Variants in GPRC6A observed in about 807,000 individuals in gnomAD.
The protein encoded by GPRC6A is G protein-coupled receptor class C group 6 member A.
In GPRC6A, 54 loss-of-function variants were observed where a neutral mutation model predicts 47.0. The observed-to-expected ratio is 1.15, with a 90% CI of 0.92 to 1.44. GPRC6A has a LOEUF of 1.44. Ranked by LOEUF, GPRC6A falls within the 40% of genes most tolerant of loss-of-function variation. The probability of loss-of-function intolerance (pLI) is 0.00; values close to 1 mark genes in which losing one functional copy is unlikely to be tolerated. For missense variants in GPRC6A, 1,112 were observed against 1,105.5 expected (o/e 1.01, Z -0.08); for synonymous variants, 347 against 377.1 (o/e 0.92, Z 0.93).
In GPRC6A at chr6:116,812,871, C is replaced by A. The variant is rs576679660; in HGVS notation, c.195-3254G>T. ...TGTTTAGAAAACCCCATCATCTCAGCCAAAAATCTCCTTAAGCTGATAAGC... is the reference window on the plus strand; with the variant it reads ...TGTTTAGAAAACCCCATCATCTCAGACAAAAATCTCCTTAAGCTGATAAGC... On this transcript the variant is annotated intron_variant, in intron 1 of 5. Coordinates refer to ENST00000310357, the MANE Select transcript of GPRC6A (RefSeq NM_148963.4). Among the ~76,000 whole-genome samples the A allele has an allele frequency of 3.9e-5, 6 of 152,242 alleles. No individual in the cohort carries two copies. The East Asian group carries it at 7.7e-4, about 20-fold the overall frequency.
intron 5 of GPRC6A, 78 bp from the exon 6 acceptor site, chr6:116,793,328 GTCT>G (rs1772380378): frequency 3.0e-6 from 3 of 1,006,600 alleles, no homozygotes; most frequent in African/African-American, 1.6e-5. Context: ...AATGAGATTC[GTCT>G]TCTTTAATAG....
intron 4 of GPRC6A, among the ~76,000 whole-genome samples, chr6:116,798,820 T>C (rs993579304): frequency 5.3e-5 from 8 of 151,100 alleles, no homozygotes; most frequent in African/African-American, 2.0e-4. Context: ...GAGGCGGAAG[T>C]TGCAGTGAGC....
intron 3 of GPRC6A, among the ~76,000 whole-genome samples, chr6:116,802,391 C>A (rs1405260967): frequency 6.6e-6 from 1 of 152,098 alleles, no homozygotes; most frequent in East Asian, 1.9e-4. Flanking sequence ...TCAATTGACA[C>A]TACAAAATTT....
At position 116,795,821 on chromosome 6, in the gene GPRC6A, T is replaced by C. The variant is rs781131082; in HGVS notation, c.1563A>G (p.Lys521=). The change falls in exon 5 of 6, where the codon AAA becomes AAG. Residue 521 remains lysine, a synonymous_variant. Coordinates refer to ENST00000310357, the MANE Select transcript of GPRC6A (RefSeq NM_148963.4). The part of the protein sequence containing the change: ...EFRNLKQIQS[K]CSKECSPGQM... ...GCCCAGGACTGCATTCCTTGGAGCATTTAGATTGAATTTGCTATATTAAAA... is the reference window on the plus strand; with the variant it reads ...GCCCAGGACTGCATTCCTTGGAGCACTTAGATTGAATTTGCTATATTAAAA... The C allele has an allele frequency of 6.9e-6, 11 of 1,599,950 alleles. No homozygotes were observed. Among genetic ancestry groups the C allele is most frequent in the East Asian group, 2.2e-5 (1 of 44,694 alleles).
At chr6:116,810,379 T>C (rs940125363) in intron 1 of GPRC6A, among the ~76,000 whole-genome samples, 5 of 152,112 alleles carry the variant, frequency 3.3e-5, no homozygotes, top group Non-Finnish European at 7.4e-5. Context: ...TATTACTATT[T>C]GTCATTGTGA....
At chr6:116,819,442 G>C (rs1773373777) in intron 1 of GPRC6A, among the ~76,000 whole-genome samples, 1 of 151,482 alleles carries the variant, frequency 6.6e-6, no homozygotes, top group Non-Finnish European at 1.5e-5. Flanking sequence ...TTCCAAAATT[G>C]ACCACATACT....
chr6:116,816,355 C>G (rs1359260398), intron 1 of GPRC6A, among the ~76,000 whole-genome samples: 1 of 152,242 alleles, frequency 6.6e-6, no homozygotes, highest in African/African-American at 2.4e-5. Flanking sequence ...CCTACAGGCC[C>G]ATGTAAATCC....
At chr6:116,820,690 G>A (rs1773435953) in intron 1 of GPRC6A, among the ~76,000 whole-genome samples, 1 of 151,774 alleles carries the variant, frequency 6.6e-6, no homozygotes, top group Admixed American at 6.6e-5. Flanking sequence ...AATAAATTAG[G>A]TATTGATGTG....
In GPRC6A at chr6:116,809,303, A is replaced by T. The variant is rs745362974; in HGVS notation, c.498+11T>A. 6.2e-7 allele frequency: 1 copy of T among 1,605,604 alleles called. No individual in the cohort carries two copies. The highest frequency in any genetic ancestry group is 1.1e-5 in the South Asian group (1 of 90,650). Reference sequence around the variant, plus strand: ...ATCAAAAGCAATGTTTGGAGGTAGCACAAAACCTACCTGTGGCATGAGCTG... The same window carrying T: ...ATCAAAAGCAATGTTTGGAGGTAGCTCAAAACCTACCTGTGGCATGAGCTG... On this transcript the variant is annotated intron_variant, in intron 2 of 5. Coordinates refer to ENST00000310357, the MANE Select transcript of GPRC6A (RefSeq NM_148963.4).
chr6:116,822,421 T>C (rs2114622297), intron 1 of GPRC6A, among the ~76,000 whole-genome samples: 2 of 132,432 alleles, frequency 1.5e-5, no homozygotes, highest in East Asian at 2.1e-4. Flanking sequence ...CGTATGTTTA[T>C]TGCGGCATTA....
chr6:116,804,388 A>C (rs1253450932), intron 3 of GPRC6A, among the ~76,000 whole-genome samples: 3 of 152,100 alleles, frequency 2.0e-5, no homozygotes, highest in African/African-American at 7.2e-5. Context: ...AATATTAGTG[A>C]ATTTTGCTAG....
At chr6:116,796,874 TTTTA>T (rs1772504527) in intron 4 of GPRC6A, among the ~76,000 whole-genome samples, 1 of 151,944 alleles carries the variant, frequency 6.6e-6, no homozygotes, top group South Asian at 2.1e-4. Flanking sequence ...CACAAAAGGA[TTTTA>T]TTTATTTATT....
intron 1 of GPRC6A, 106 bp from the exon 2 acceptor site, chr6:116,809,723 A>G: frequency 2.9e-6 from 2 of 691,806 alleles, no homozygotes; most frequent in Non-Finnish European, 4.9e-6. Context: ...GGATGAGTGA[A>G]GCTTATCTCT....
At chr6:116,797,030 C>T (rs192767787) in intron 4 of GPRC6A, among the ~76,000 whole-genome samples, 26 of 152,136 alleles carry the variant, frequency 1.7e-4, no homozygotes, top group East Asian at 1.4e-3. Flanking sequence ...CTATCCCTCC[C>T]GCCTCCCCCT....
intron 1 of GPRC6A, among the ~76,000 whole-genome samples, chr6:116,812,581 G>A (rs1418498815): frequency 2.0e-5 from 3 of 152,106 alleles, no homozygotes; most frequent in Non-Finnish European, 4.4e-5. Context: ...AGCCTCATAT[G>A]TCAACATTAA....
At chr6:116,804,157 A>G (rs1030217468) in intron 3 of GPRC6A, among the ~76,000 whole-genome samples, 1 of 152,066 alleles carries the variant, frequency 6.6e-6, no homozygotes. Context: ...AAACAAAAAA[A>G]CCGAAATCTC....
At chr6:116,807,329 T>C in intron 2 of GPRC6A, 123 bp from the exon 3 acceptor site, 1 of 651,982 alleles carries the variant, frequency 1.5e-6, no homozygotes, top group Non-Finnish European at 2.7e-6. Context: ...TCTAGTCTTT[T>C]TCATCCTTCT....
At chr6:116,824,441 G>T (rs1773613131) in intron 1 of GPRC6A, among the ~76,000 whole-genome samples, 1 of 151,828 alleles carries the variant, frequency 6.6e-6, no homozygotes, top group South Asian at 2.1e-4. Flanking sequence ...AAATACAAAA[G>T]ATTATCAGAG....
chr6:116,818,568 A>AG (rs1773329996), intron 1 of GPRC6A, among the ~76,000 whole-genome samples: 1 of 127,740 alleles, frequency 7.8e-6, no homozygotes, highest in Non-Finnish European at 1.7e-5. Context: ...AAAAAAAAAA[A>AG]AAGAATTTTC....
Sources: gnomAD v4.1 joint callset for allele counts (sites outside exome capture counted in the v4.1 genomes callset) on GRCh38, gnomAD v4.1.1 for gene constraint, MANE v1.5 for transcripts, NCBI Gene and HGNC (gene_info 2026-07-23, HGNC 2026-07-21) for gene names.